SUGCT: variants seen among roughly 807,000 people sequenced by gnomAD.
SUGCT encodes the protein succinyl-CoA:glutarate CoA-transferase.
Under a neutral mutation model 55.0 loss-of-function variants are expected in SUGCT, and 41 were observed. The ratio of observed to expected loss-of-function variants is 0.74; its 90% CI spans 0.58 to 0.97. The LOEUF (loss-of-function observed/expected upper bound fraction) is 0.97, where lower values mean the gene tolerates loss of function less well. Among genes scored for constraint, SUGCT ranks in the 50% least tolerant of loss-of-function variants. SUGCT has a pLI of 0.00. For missense variants in SUGCT, 568 were observed against 547.8 expected, an observed-to-expected ratio of 1.04 and a Z score of -0.37; for synonymous variants, 187 against 200.4, an observed-to-expected ratio of 0.93 and a Z score of 0.56.
intron 6 of SUGCT, among the ~76,000 whole-genome samples, chr7:40,198,587 G>T (rs980129688): frequency 6.6e-6 from 1 of 152,118 alleles, no homozygotes; most frequent in African/African-American, 2.4e-5. Flanking sequence ...TTGGCTGGGC[G>T]TGGTGGCTCA....
intron 9 of SUGCT, among the ~76,000 whole-genome samples, chr7:40,413,419 A>T (rs1212369771): frequency 6.6e-6 from 1 of 152,170 alleles, no homozygotes; most frequent in East Asian, 1.9e-4. Context: ...AAGTCACTTC[A>T]TCCACCAAAA....
chr7:40,772,565 G>C (rs1584417342), intron 13 of SUGCT, among the ~76,000 whole-genome samples: 9 of 118,972 alleles, frequency 7.6e-5, no homozygotes, highest in South Asian at 2.6e-4. Flanking sequence ...TATCTATCTG[G>C]TGTTATCTAT....
At chr7:40,371,933 A>G (rs921877375) in intron 9 of SUGCT, among the ~76,000 whole-genome samples, 54 of 149,534 alleles carry the variant, frequency 3.6e-4, no homozygotes, top group African/African-American at 1.3e-3. Context: ...GGATGTATGT[A>G]TATACATCTC....
At chr7:40,138,713 C>A (rs1332219954) in intron 1 of SUGCT, among the ~76,000 whole-genome samples, 1 of 151,992 alleles carries the variant, frequency 6.6e-6, no homozygotes, top group East Asian at 1.9e-4. Context: ...AAGATGATAT[C>A]TCATTGTGGT....
the SUGCT span, among the ~76,000 whole-genome samples, chr7:40,989,035 G>A: frequency 1.3e-5 from 2 of 150,878 alleles, no homozygotes; most frequent in Non-Finnish European, 2.9e-5. Context: ...ACACTATACT[G>A]TAGTATATTA....
intron 12 of SUGCT, among the ~76,000 whole-genome samples, chr7:40,744,781 T>C (rs1487820535): frequency 1.2e-4 from 19 of 152,248 alleles, no homozygotes; most frequent in African/African-American, 1.2e-4. Context: ...ACATTTATCA[T>C]TGTTATTTTT....
intron 12 of SUGCT, among the ~76,000 whole-genome samples, chr7:40,605,981 G>A (rs1234259080): frequency 2.0e-5 from 3 of 152,164 alleles, no homozygotes; most frequent in Non-Finnish European, 4.4e-5. Context: ...CTAGCATGCT[G>A]AGCAGATTGC....
rs775798765 is a variant in SUGCT, at chr7:40,164,294, A to AT, written c.101-16646dup. Among the ~76,000 whole-genome samples the AT allele has an allele frequency of 4.7e-3, 712 of 151,828 alleles. 7 individuals carry two copies. Among genetic ancestry groups the AT allele is most frequent in the African/African-American group, 0.016 (666 of 41,422 alleles). On this transcript the variant is annotated intron_variant, in intron 1 of 13. Transcript: ENST00000335693. The stretch of plus-strand genomic sequence containing the variant: ...AGGCACCTTCCACCATGCCCAGCTA[A>AT]TTTTTTTGTATTTTTAGTAGAGATG...
intron 12 of SUGCT, chr7:40,539,094 A>AT (rs398085746): frequency 6.5e-6 from 1 of 152,744 alleles, no homozygotes. Context: ...AAAAAAAAAA[A>AT]AATTTACTGA....
chr7:40,341,696 G>T (rs140873469), intron 9 of SUGCT, among the ~76,000 whole-genome samples: 1 of 152,182 alleles, frequency 6.6e-6, no homozygotes, highest in Non-Finnish European at 1.5e-5. Flanking sequence ...TAGGGAAAAA[G>T]AAACTACACT....
chr7:40,802,419 A>C (rs1018228122), intron 13 of SUGCT, among the ~76,000 whole-genome samples: 19 of 151,916 alleles, frequency 1.3e-4, no homozygotes, highest in Admixed American at 8.5e-4. Context: ...AAACCCCCCA[A>C]AGCCTCTTTC....
chr7:40,816,848 T>G (rs1427093816), intron 13 of SUGCT, among the ~76,000 whole-genome samples: 1 of 152,214 alleles, frequency 6.6e-6, no homozygotes. Flanking sequence ...TTATCACAAC[T>G]CTGCAATATT....
intron 9 of SUGCT, among the ~76,000 whole-genome samples, chr7:40,411,767 A>T (rs182782089): frequency 6.6e-6 from 1 of 152,192 alleles, no homozygotes; most frequent in Non-Finnish European, 1.5e-5. Flanking sequence ...GCTAGACAGG[A>T]TTAATTTGAA....
intron 12 of SUGCT, among the ~76,000 whole-genome samples, chr7:40,747,566 T>C (rs537122533): frequency 6.6e-6 from 1 of 152,356 alleles, no homozygotes; most frequent in Admixed American, 6.5e-5. Flanking sequence ...TGCCACTCTT[T>C]GGGATGCTGG....
chr7:40,252,950 A>T (rs1268137850), intron 7 of SUGCT, among the ~76,000 whole-genome samples: 1 of 152,236 alleles, frequency 6.6e-6, no homozygotes, highest in Non-Finnish European at 1.5e-5. Context: ...CAAGGCTAAA[A>T]CTTATTAAAG....
intron 12 of SUGCT, among the ~76,000 whole-genome samples, chr7:40,603,013 G>A (rs995174834): frequency 6.6e-6 from 1 of 152,164 alleles, no homozygotes; most frequent in African/African-American, 2.4e-5. Context: ...GCATAAATAG[G>A]ACTGAGGGGA....
At chr7:40,534,622 T>C (rs1794263586) in intron 12 of SUGCT, among the ~76,000 whole-genome samples, 1 of 152,216 alleles carries the variant, frequency 6.6e-6, no homozygotes, top group Admixed American at 6.5e-5. Flanking sequence ...TTTCGGCATG[T>C]TGGCCAGACT....
chr7:40,255,660 C>CAAAAAAAAAA (rs70996898), intron 7 of SUGCT, among the ~76,000 whole-genome samples: 4 of 54,192 alleles, frequency 7.4e-5, no homozygotes, highest in African/African-American at 1.7e-4. Context: ...GACTCTGTAT[C>CAAAAAAAAAA]AAAAAAAAAA....
chr7:40,397,352 C>T lies in SUGCT; in HGVS notation c.817-51935C>T, dbSNP rs535953242. 7.5e-4 allele frequency among the ~76,000 whole-genome samples: 114 copies of T among 152,304 alleles called. 1 individual carries two copies. Among genetic ancestry groups the T allele is most frequent in the Non-Finnish European group, 1.4e-3 (97 of 68,028 alleles). ...CATTCACATATCCTTCCTGATCCTG[C>T]CAACTGGATGTGATATTTATCTCCT... is the stretch of plus-strand genomic sequence containing the variant. On this transcript the variant is annotated intron_variant, in intron 9 of 13. Coordinates refer to ENST00000335693, the MANE Select transcript of SUGCT (RefSeq NM_001193313.2).
Sources: gnomAD v4.1 joint callset for allele counts (sites outside exome capture counted in the v4.1 genomes callset) on GRCh38, gnomAD v4.1.1 for gene constraint, MANE v1.5 for transcripts, NCBI Gene and HGNC (gene_info 2026-07-23, HGNC 2026-07-21) for gene names.